FGF12: variants seen among roughly 807,000 people sequenced by gnomAD.
FGF12 encodes the protein fibroblast growth factor 12B.
A neutral mutation model predicts 23.6 loss-of-function variants in FGF12; 14 were observed. The ratio of observed to expected loss-of-function variants is 0.59; its 90% CI spans 0.39 to 0.93. The LOEUF (loss-of-function observed/expected upper bound fraction) is 0.93. Among genes scored for constraint, FGF12 ranks in the 40% least tolerant of loss-of-function variants. FGF12 has a pLI of 0.00. For synonymous variants in FGF12, 62 were observed against 77.3 expected (o/e 0.80, Z 1.04); for missense variants, 175 against 217.8 (o/e 0.80, Z 1.24).
intron 2 of FGF12, among the ~76,000 whole-genome samples, chr3:192,489,835 GA>G (rs1031458982): frequency 1.3e-5 from 2 of 152,012 alleles, no homozygotes; most frequent in African/African-American, 4.8e-5. Flanking sequence ...TCAGAGGGTG[GA>G]GGCTGGGAAG....
At chr3:192,540,910 T>C (rs1322274909) in intron 2 of FGF12, among the ~76,000 whole-genome samples, 3 of 152,134 alleles carry the variant, frequency 2.0e-5, no homozygotes, top group South Asian at 2.1e-4. Context: ...ATTCTTTGTA[T>C]AGTTTTTGTC....
intron 4 of FGF12, among the ~76,000 whole-genome samples, chr3:192,179,709 C>A (rs542285376): frequency 9.9e-5 from 15 of 152,006 alleles, no homozygotes; most frequent in African/African-American, 3.1e-4. Context: ...CCACACCGGG[C>A]TAATTTTTAT....
At position 192,408,299 on chromosome 3, in the gene FGF12, AC is replaced by A; in HGVS notation, c.14-47762del. On this transcript the variant is annotated intron_variant, in intron 2 of 5. Coordinates refer to ENST00000445105, the MANE Select transcript of FGF12 (RefSeq NM_004113.6). This position sits in a 1 kb window ranked among gnomAD's most constrained non-coding sequence, Gnocchi z 7.3. ...TGCGCTCCGCCGGGGCGAGGGCAGG[AC>A]CTGGGCGGCCAGGGAAAGGGCAGTC... 1 of 1,464,728 alleles carries A rather than the reference AC, an allele frequency of 6.8e-7. No individual in the cohort carries two copies. Among genetic ancestry groups the A allele is most frequent in the South Asian group, 1.4e-5 (1 of 72,318 alleles). The allele number at this position is 1,464,728 out of a possible 1,614,324, so 90.7% of individuals were successfully genotyped here.
intron 2 of FGF12, among the ~76,000 whole-genome samples, chr3:192,509,062 GTTTT>G (rs111442568): frequency 6.9e-6 from 1 of 145,486 alleles, no homozygotes; most frequent in East Asian, 2.0e-4. Flanking sequence ...ATCCTGAAGG[GTTTT>G]TTTTTTTGCT....
intron 4 of FGF12, among the ~76,000 whole-genome samples, chr3:192,330,128 A>G (rs988490158): frequency 6.6e-6 from 1 of 152,192 alleles, no homozygotes; most frequent in African/African-American, 2.4e-5. Context: ...AAAACCTAAT[A>G]TTCTTCAAAT....
At chr3:192,155,758 G>A (rs971657080) in intron 5 of FGF12, among the ~76,000 whole-genome samples, 1 of 152,104 alleles carries the variant, frequency 6.6e-6, no homozygotes, top group Non-Finnish European at 1.5e-5. Context: ...AGCATTTAGG[G>A]GAAACCTTTA....
At chr3:192,412,656 T>G (rs550199401) in intron 2 of FGF12, among the ~76,000 whole-genome samples, 224 of 152,346 alleles carry the variant, frequency 1.5e-3, no homozygotes, top group Middle Eastern at 0.01. Context: ...TAAAGAAATT[T>G]AAGAAGTTAG....
chr3:192,586,084 A>T (rs559358015), intron 2 of FGF12, among the ~76,000 whole-genome samples: 1 of 152,360 alleles, frequency 6.6e-6, no homozygotes, highest in Admixed American at 6.5e-5. Flanking sequence ...AACCAAGTGT[A>T]CATGTGAAAG....
At chr3:192,394,706 T>C (rs1052557966) in intron 2 of FGF12, among the ~76,000 whole-genome samples, 1 of 152,166 alleles carries the variant, frequency 6.6e-6, no homozygotes, top group African/African-American at 2.4e-5. Context: ...TTAGACTGAA[T>C]CAAAAACCTC....
chr3:192,604,186 C>T (rs1714240333), intron 2 of FGF12, among the ~76,000 whole-genome samples: 1 of 152,070 alleles, frequency 6.6e-6, no homozygotes, highest in Non-Finnish European at 1.5e-5. Flanking sequence ...CCCTTGTTCC[C>T]TAAAAATCGC....
intron 2 of FGF12, among the ~76,000 whole-genome samples, chr3:192,376,463 A>G (rs1325794904): frequency 5.9e-5 from 9 of 152,174 alleles, no homozygotes; most frequent in Non-Finnish European, 1.5e-5. Flanking sequence ...CCCAGGTTCA[A>G]ACAATTCTCC....
intron 2 of FGF12, among the ~76,000 whole-genome samples, chr3:192,553,007 A>C (rs1217576529): frequency 2.6e-5 from 4 of 152,230 alleles, no homozygotes; most frequent in Non-Finnish European, 1.5e-5. Context: ...CCAGTATTCC[A>C]CGGTCAGTGG....
At chr3:192,447,008 G>A (rs1345148124) in intron 2 of FGF12, among the ~76,000 whole-genome samples, 1 of 152,146 alleles carries the variant, frequency 6.6e-6, no homozygotes, top group South Asian at 2.1e-4. Flanking sequence ...TGCACCTTTA[G>A]ATTGGATGTG....
intron 2 of FGF12, among the ~76,000 whole-genome samples, chr3:192,478,464 T>A (rs1443858241): frequency 1.3e-5 from 2 of 152,198 alleles, no homozygotes; most frequent in Non-Finnish European, 1.5e-5. Flanking sequence ...CATTTAGGGT[T>A]TGAATGAAAT....
chr3:192,673,657 T>C (rs1016910015), intron 2 of FGF12, among the ~76,000 whole-genome samples: 7 of 151,134 alleles, frequency 4.6e-5, no homozygotes, highest in African/African-American at 1.7e-4. Context: ...TCTGTTCCTG[T>C]GATAGTCTGC....
chr3:192,505,877 C>T (rs1460416328), intron 2 of FGF12, among the ~76,000 whole-genome samples: 3 of 152,124 alleles, frequency 2.0e-5, no homozygotes, highest in South Asian at 2.1e-4. Context: ...ACCAGACACA[C>T]GAACTTCGAA....
chr3:192,557,386 C>T (rs1033072902), intron 2 of FGF12, among the ~76,000 whole-genome samples: 3 of 150,926 alleles, frequency 2.0e-5, no homozygotes, highest in Non-Finnish European at 3.0e-5. Flanking sequence ...TAAAATAATA[C>T]CAATTACAGG....
At chr3:192,635,615 A>C (rs1182946329) in intron 2 of FGF12, among the ~76,000 whole-genome samples, 1 of 152,244 alleles carries the variant, frequency 6.6e-6, no homozygotes, top group African/African-American at 2.4e-5. Flanking sequence ...CCGTGTATAC[A>C]TTAATCCAGA....
intron 2 of FGF12, among the ~76,000 whole-genome samples, chr3:192,582,865 ACT>A (rs963670470): frequency 2.0e-4 from 31 of 151,604 alleles, no homozygotes; most frequent in African/African-American, 7.0e-4. Context: ...GGCCTACCCC[ACT>A]CTGTTTCCCT....
Sources: allele counts gnomAD v4.1 joint callset (sites outside exome capture counted in the v4.1 genomes callset), GRCh38; gene constraint gnomAD v4.1.1; non-coding constraint Gnocchi (gnomAD v3.1); transcripts MANE v1.5; gene names NCBI Gene and HGNC (gene_info 2026-07-23, HGNC 2026-07-21).